Variants in TYW1 observed in about 807,000 individuals in gnomAD.
TYW1 encodes S-adenosyl-L-methionine-dependent tRNA 4-demethylwyosine synthase TYW1.
Under a neutral mutation model 96.2 loss-of-function variants are expected in TYW1, and 46 were observed. The ratio of observed to expected loss-of-function variants is 0.48; its 90% CI spans 0.38 to 0.61. The LOEUF is 0.61. Ranked by LOEUF, TYW1 falls within the 20% of genes least tolerant of loss-of-function variation. The pLI, the probability that TYW1 is intolerant of heterozygous loss-of-function variation, is 0.00. For synonymous variants in TYW1, 274 were observed against 323.0 expected (o/e 0.85, Z 1.63); for missense variants, 684 against 909.6 (o/e 0.75, Z 3.19).
rs10246529 is a variant in TYW1 at position 67,028,216 on chromosome 7, G to A, written c.984+3194G>A. Reference sequence around the variant, plus strand: ...ATCATGCTGCTGCATTCAAGCCTGGGCAACAGAGCAAGACTCTGTCTCAAA... The same window carrying A: ...ATCATGCTGCTGCATTCAAGCCTGGACAACAGAGCAAGACTCTGTCTCAAA... On this transcript the variant is annotated intron_variant, in intron 7 of 15. Transcript: ENST00000359626. Among the ~76,000 whole-genome samples the A allele has an allele frequency of 1.3e-3, 188 of 149,578 alleles. 1 individual carries two copies. Among genetic ancestry groups the A allele is most frequent in the African/African-American group, 4.3e-3 (174 of 40,558 alleles).
intron 13 of TYW1, among the ~76,000 whole-genome samples, chr7:67,170,500 T>C (rs966665456): frequency 6.6e-6 from 1 of 152,246 alleles, no homozygotes; most frequent in African/African-American, 2.4e-5. Context: ...TAAAATTTTG[T>C]ATTGAGGTAG....
chr7:66,997,692 A>G (rs4718440), intron 1 of TYW1, among the ~76,000 whole-genome samples: 68,524 of 141,904 alleles, frequency 0.48, 15,983 homozygotes, highest in East Asian at 0.62. Context: ...GCGGTGGCGC[A>G]ATCTTGGCTC....
At chr7:67,210,228 G>A (rs4385362) in intron 15 of TYW1, among the ~76,000 whole-genome samples, 40,712 of 151,974 alleles carry the variant, frequency 0.27, 5,818 homozygotes, top group African/African-American at 0.36. Flanking sequence ...TTTGTGGAAT[G>A]CCCTATTATT....
chr7:67,002,039 A>C (rs1793411708), intron 3 of TYW1, among the ~76,000 whole-genome samples: 1 of 146,514 alleles, frequency 6.8e-6, no homozygotes, highest in African/African-American at 2.5e-5. Context: ...GTCTCAAACA[A>C]AAAAAAAAAA....
chr7:66,998,775 G>T lies in TYW1; in HGVS notation c.136-42G>T. ...TTCATCCCTGCTGAAGTTGGGAAACGATTTAGACTTGATGGATTTTGTGTA... is the reference window on the plus strand; with the variant it reads ...TTCATCCCTGCTGAAGTTGGGAAACTATTTAGACTTGATGGATTTTGTGTA... On this transcript the variant is annotated intron_variant, in intron 2 of 15. Transcript: ENST00000359626. 4 of 1,609,290 alleles carry T rather than the reference G, an allele frequency of 2.5e-6. No individual in the cohort carries two copies. In the South Asian group the frequency reaches 3.3e-5, roughly 13 times the overall value.
intron 11 of TYW1, among the ~76,000 whole-genome samples, chr7:67,096,580 G>GTT (rs901279458): frequency 6.7e-6 from 1 of 149,608 alleles, no homozygotes; most frequent in Admixed American, 6.7e-5. Flanking sequence ...TTTTTTCTTT[G>GTT]TTTTTTTTTT....
chr7:67,130,934 C>G (rs928565049), intron 13 of TYW1, among the ~76,000 whole-genome samples: 4 of 152,016 alleles, frequency 2.6e-5, no homozygotes, highest in Admixed American at 2.6e-4. Context: ...TTGAAAAGTC[C>G]CCTAGGGAAG....
At chr7:67,059,916 G>C (rs1226154076) in intron 9 of TYW1, among the ~76,000 whole-genome samples, 1 of 151,538 alleles carries the variant, frequency 6.6e-6, no homozygotes, top group East Asian at 1.9e-4. Context: ...GGGATTACAG[G>C]TATGCATCAC....
intron 11 of TYW1, among the ~76,000 whole-genome samples, chr7:67,090,652 G>A (rs567304925): frequency 6.6e-6 from 1 of 152,174 alleles, no homozygotes; most frequent in South Asian, 2.1e-4. Context: ...TTAAGATTTG[G>A]GCACCATGAA....
At chr7:67,166,997 C>T (rs1357829926) in intron 13 of TYW1, among the ~76,000 whole-genome samples, 2 of 152,246 alleles carry the variant, frequency 1.3e-5, no homozygotes, top group Non-Finnish European at 2.9e-5. Flanking sequence ...GTTTCTTTTG[C>T]ATTGTCTTTT....
chr7:67,061,039 C>T (rs1181485384), intron 9 of TYW1, among the ~76,000 whole-genome samples: 1 of 152,084 alleles, frequency 6.6e-6, no homozygotes, highest in Non-Finnish European at 1.5e-5. Context: ...ACTAGCCTGG[C>T]CAACAATGTG....
intron 12 of TYW1, among the ~76,000 whole-genome samples, chr7:67,111,400 C>T (rs1038350079): frequency 9.9e-5 from 15 of 152,150 alleles, no homozygotes; most frequent in Non-Finnish European, 2.9e-5. Flanking sequence ...AGGGTTTCAC[C>T]TTGTTGGCCA....
chr7:67,209,566 A>G (rs941917566), intron 15 of TYW1, among the ~76,000 whole-genome samples: 5 of 151,750 alleles, frequency 3.3e-5, no homozygotes, highest in African/African-American at 1.2e-4. Context: ...TTCCTGTAAA[A>G]TTTTTTTAAA....
chr7:67,176,803 C>T (rs938337956), intron 13 of TYW1, among the ~76,000 whole-genome samples: 1 of 152,078 alleles, frequency 6.6e-6, no homozygotes, highest in Non-Finnish European at 1.5e-5. Flanking sequence ...ACATTGGCAC[C>T]ATCGACATTT....
intron 12 of TYW1, among the ~76,000 whole-genome samples, chr7:67,103,647 G>A (rs1797157083): frequency 6.6e-6 from 1 of 152,212 alleles, no homozygotes; most frequent in Non-Finnish European, 1.5e-5. Flanking sequence ...ACTTATTTCT[G>A]TGAATAGGAG....
rs905563095 is a variant in TYW1 at position 67,063,363 on chromosome 7, C to T, written c.1156-3922C>T. Among the ~76,000 whole-genome samples the T allele has an allele frequency of 9.9e-5, 15 of 152,206 alleles. 1 individual carries two copies. The highest frequency in any genetic ancestry group is 8.5e-4 in the Admixed American group (13 of 15,286). On this transcript the variant is annotated intron_variant, in intron 9 of 15. Coordinates refer to ENST00000359626, the MANE Select transcript of TYW1 (RefSeq NM_018264.4). ...AATGCTTTTCCCATTAGATTGGGAA[C>T]AAGACAAGTATGTCTGTGTTCACCA...
intron 7 of TYW1, among the ~76,000 whole-genome samples, chr7:67,039,503 G>A (rs1470474307): frequency 1.3e-5 from 2 of 151,918 alleles, no homozygotes; most frequent in Admixed American, 1.3e-4. Flanking sequence ...TGGGTACAAG[G>A]TCTGGTCCAG....
chr7:67,097,172 G>A (rs1453090297), intron 11 of TYW1, among the ~76,000 whole-genome samples: 2 of 151,730 alleles, frequency 1.3e-5, no homozygotes, highest in African/African-American at 2.4e-5. Flanking sequence ...GCACCCCTCC[G>A]CCAGAGATTG....
At chr7:67,144,757 A>T (rs1374377305) in intron 13 of TYW1, among the ~76,000 whole-genome samples, 1 of 152,146 alleles carries the variant, frequency 6.6e-6, no homozygotes, top group African/African-American at 2.4e-5. Flanking sequence ...GGCGTGAGCC[A>T]CCGGGCCTGG....
Sources: allele counts gnomAD v4.1 joint callset (sites outside exome capture counted in the v4.1 genomes callset), GRCh38; gene constraint gnomAD v4.1.1; transcripts MANE v1.5; gene names NCBI Gene and HGNC (gene_info 2026-07-23, HGNC 2026-07-21).